DMD: variants seen among roughly 807,000 people sequenced by gnomAD.
The protein encoded by DMD is mutant dystrophin.
DMD carries 63 observed loss-of-function variants against 330.1 expected under a neutral mutation model. The observed-to-expected ratio is 0.19, with a 90% CI of 0.16 to 0.24. DMD has a LOEUF of 0.24. Among genes scored for constraint, DMD ranks in the 10% least tolerant of loss-of-function variants. The pLI is 1.00. For missense variants in DMD, 3,344 were observed against 2,684.1 expected, an observed-to-expected ratio of 1.25 and a Z score of -5.43; for synonymous variants, 1,223 against 959.8, an observed-to-expected ratio of 1.27 and a Z score of -5.07.
intron 60 of DMD, among the ~76,000 whole-genome samples, chrX:31,412,443 T>C (rs150462441): frequency 0.035 from 3,927 of 111,783 alleles, 168 homozygotes; most frequent in African/African-American, 0.12. Context: ...AAAGTTCTGG[T>C]GAAGGAACTA....
chrX:32,824,462 A>G (rs1246796791), intron 4 of DMD, among the ~76,000 whole-genome samples: 1 of 112,097 alleles, frequency 8.9e-6, no homozygotes, highest in Non-Finnish European at 1.9e-5. Context: ...GATGAATTTC[A>G]TGGGCATTAT....
rs200775716 is a variant in DMD, at chrX:32,302,294, T to C, written c.6117+7788A>G. Reference sequence around the variant, plus strand: ...ATAGGTGTTCAGAGCATGTTTAAGGTAAGCTAGGCTAAACCATGATATTTG... The same window carrying C: ...ATAGGTGTTCAGAGCATGTTTAAGGCAAGCTAGGCTAAACCATGATATTTG... On this transcript the variant is annotated intron_variant, in intron 42 of 78. Transcript: ENST00000357033. Among the ~76,000 whole-genome samples, 7 of 111,372 alleles carry C rather than the reference T, an allele frequency of 6.3e-5. No homozygotes were observed. The East Asian group carries it at 2.0e-3, about 31-fold the overall frequency.
At chrX:33,098,857 G>A (rs964250374) in intron 1 of DMD, among the ~76,000 whole-genome samples, 2 of 111,430 alleles carry the variant, frequency 1.8e-5, no homozygotes, top group Non-Finnish European at 3.8e-5. Flanking sequence ...TATTTGTCCC[G>A]ATTGGCTAGC....
intron 51 of DMD, among the ~76,000 whole-genome samples, chrX:31,773,724 CTTTTTTTTTTTT>C (rs762551529): frequency 1.9e-5 from 1 of 53,556 alleles, no homozygotes; most frequent in African/African-American, 7.6e-5. Context: ...AAGGTTTCTG[CTTTTTTTTTTTT>C]TTTTTTTTGT....
intron 44 of DMD, among the ~76,000 whole-genome samples, chrX:32,198,269 T>A: frequency 8.9e-6 from 1 of 111,925 alleles, no homozygotes; most frequent in East Asian, 2.8e-4. Context: ...ATGGATAAGA[T>A]AATAAGATAA....
At chrX:32,445,559 T>C in intron 27 of DMD, among the ~76,000 whole-genome samples, 2 of 110,703 alleles carry the variant, frequency 1.8e-5, no homozygotes, top group Middle Eastern at 9.4e-3. Context: ...TAGAGTACAT[T>C]TTAATAACTA....
At chrX:32,109,549 C>T (rs1412899171) in intron 44 of DMD, among the ~76,000 whole-genome samples, 6 of 108,127 alleles carry the variant, frequency 5.5e-5, no homozygotes, top group African/African-American at 1.0e-4. Context: ...AATCTGAGTG[C>T]GGAAATTACC....
intron 41 of DMD, among the ~76,000 whole-genome samples, chrX:32,339,453 T>A (rs2097730834): frequency 8.9e-6 from 1 of 111,749 alleles, no homozygotes; most frequent in African/African-American, 3.3e-5. Flanking sequence ...GTCCTCCCAG[T>A]CTCATGCCTC....
chrX:32,303,697 G>A (rs182104261), intron 42 of DMD, among the ~76,000 whole-genome samples: 119 of 110,509 alleles, frequency 1.1e-3, no homozygotes, highest in African/African-American at 3.7e-3. Context: ...GACAGCGGCC[G>A]TTGGGGAGTA....
At chrX:33,082,057 G>A (rs1338740512) in intron 1 of DMD, among the ~76,000 whole-genome samples, 1 of 108,124 alleles carries the variant, frequency 9.2e-6, no homozygotes, top group Non-Finnish European at 1.9e-5. Flanking sequence ...GGACTCACGT[G>A]TGCGTTAAGA....
intron 7 of DMD, among the ~76,000 whole-genome samples, chrX:32,790,142 T>C (rs2075710535): frequency 9.0e-6 from 1 of 111,394 alleles, no homozygotes; most frequent in Admixed American, 9.6e-5. Context: ...ACCTCTTCCA[T>C]GGAGAGGAAC....
intron 74 of DMD, 37 bp from the exon 75 acceptor site, chrX:31,147,555 A>G: frequency 1.1e-6 from 1 of 927,110 alleles, no homozygotes; most frequent in African/African-American, 3.0e-5. Flanking sequence ...AAAAAAAAAG[A>G]AAGAAAAAGA....
At chrX:32,769,204 T>C (rs2073336527) in intron 7 of DMD, among the ~76,000 whole-genome samples, 1 of 112,027 alleles carries the variant, frequency 8.9e-6, no homozygotes, top group South Asian at 3.7e-4. Context: ...AAGAAAGACG[T>C]TTAATTCATT....
intron 9 of DMD, among the ~76,000 whole-genome samples, chrX:32,677,855 T>G (rs2062078491): frequency 8.9e-6 from 1 of 111,827 alleles, no homozygotes; most frequent in Non-Finnish European, 1.9e-5. Flanking sequence ...GGGAACAACG[T>G]AAATGCCCGA....
intron 11 of DMD, among the ~76,000 whole-genome samples, chrX:32,629,654 T>C (rs959407613): frequency 9.0e-6 from 1 of 111,313 alleles, no homozygotes; most frequent in Non-Finnish European, 1.9e-5. Flanking sequence ...TCTGGTCATA[T>C]GTTATACATT....
intron 51 of DMD, among the ~76,000 whole-genome samples, chrX:31,768,377 T>C (rs750254590): frequency 9.1e-6 from 1 of 110,068 alleles, no homozygotes; most frequent in African/African-American, 3.3e-5. Flanking sequence ...TCCTCTTTTG[T>C]CCTCTTTAAT....
intron 63 of DMD, among the ~76,000 whole-genome samples, chrX:31,233,308 A>G (rs1454354190): frequency 8.9e-6 from 1 of 111,786 alleles, no homozygotes; most frequent in Non-Finnish European, 1.9e-5. Context: ...CTTCAACTCT[A>G]TTCTCAACCT....
chrX:31,966,507 T>TA (rs957323369), intron 45 of DMD, among the ~76,000 whole-genome samples: 52 of 106,012 alleles, frequency 4.9e-4, no homozygotes, highest in South Asian at 3.5e-3. Flanking sequence ...AAGCTCAGCT[T>TA]AAAAAAAAAA....
In DMD at chrX:32,787,049, C is replaced by T. The variant is rs146657539; in HGVS notation, c.649+22444G>A. ...CAACCACTTTTACGATGTCATATGA[C>T]GTAATGACTACAAGAGAAAACCTAG... On this transcript the variant is annotated intron_variant, in intron 7 of 78. Coordinates refer to ENST00000357033, the MANE Select transcript of DMD (RefSeq NM_004006.3). Among the ~76,000 whole-genome samples, 533 of 111,281 alleles carry T rather than the reference C, an allele frequency of 4.8e-3. 16 individuals carry two copies. Among genetic ancestry groups the T allele is most frequent in the Admixed American group, 0.046 (481 of 10,376 alleles).
Sources: allele counts gnomAD v4.1 joint callset (sites outside exome capture counted in the v4.1 genomes callset), GRCh38; gene constraint gnomAD v4.1.1; transcripts MANE v1.5; gene names NCBI Gene and HGNC (gene_info 2026-07-23, HGNC 2026-07-21).